ALDH1A2: variants seen among roughly 807,000 people sequenced by gnomAD.
ALDH1A2 encodes retinal dehydrogenase 2.
A neutral mutation model predicts 60.3 loss-of-function variants in ALDH1A2; 27 were observed. The observed-to-expected ratio is 0.45, with a 90% confidence interval of 0.33 to 0.62. ALDH1A2 has a LOEUF of 0.62. Among genes scored for constraint, ALDH1A2 ranks in the 20% least tolerant of loss-of-function variants. ALDH1A2 has a pLI of 0.02. For synonymous variants in ALDH1A2, 289 were observed against 232.4 expected (o/e 1.24, Z -2.21); for missense variants, 581 against 643.8 (o/e 0.90, Z 1.06).
In ALDH1A2 at chr15:57,965,834, G is replaced by C. The variant is rs768929433; in HGVS notation, c.799-7C>G. The C allele has an allele frequency of 1.2e-6, 2 of 1,612,146 alleles. No individual in the cohort carries two copies. Among genetic ancestry groups the C allele is most frequent in the South Asian group, 2.2e-5 (2 of 91,038 alleles). On this transcript the variant is annotated splice_polypyrimidine_tract_variant and splice_region_variant and intron_variant, in intron 7 of 12. Transcript: ENST00000249750. ...CTTGGATAAGCTTTCCAACCTGAAA[G>C]AAGGGAAATGGAGACAGGTTTTGCA...
At chr15:58,024,362 A>C (rs944029579) in intron 1 of ALDH1A2, among the ~76,000 whole-genome samples, 1 of 152,208 alleles carries the variant, frequency 6.6e-6, no homozygotes, top group East Asian at 1.9e-4. Context: ...ATGTAGACTG[A>C]AAGTTAAGAG....
At chr15:57,974,675 A>T (rs1367108568) in intron 7 of ALDH1A2, among the ~76,000 whole-genome samples, 1 of 152,170 alleles carries the variant, frequency 6.6e-6, no homozygotes, top group Non-Finnish European at 1.5e-5. Context: ...AATTTCTAGA[A>T]AAAAAGCATA....
At position 57,954,354 on chromosome 15, in the gene ALDH1A2, G is replaced by A. The variant is rs1382736737; in HGVS notation, c.*843C>T. On this transcript the variant is annotated 3_prime_UTR_variant, in exon 13 of 13. Coordinates refer to ENST00000249750, the MANE Select transcript of ALDH1A2 (RefSeq NM_003888.4). ...TTGGGCCTACTCGGATTGTTTTTTG[G>A]TTGGTTCTAAGAAAAACTTTGGAAA... is the stretch of plus-strand genomic sequence containing the variant. The A allele has an allele frequency of 3.3e-5, 5 of 152,632 alleles. No homozygotes were observed. The highest frequency in any genetic ancestry group is 1.2e-4 in the African/African-American group (5 of 41,400). The allele number at this position is 152,632 out of a possible 1,614,324, so 9.5% of individuals were successfully genotyped here.
At chr15:57,982,996 G>A (rs1378282879) in intron 7 of ALDH1A2, among the ~76,000 whole-genome samples, 1 of 151,960 alleles carries the variant, frequency 6.6e-6, no homozygotes, top group Non-Finnish European at 1.5e-5. Flanking sequence ...AGGTTCTTAG[G>A]GATGTGTTGT....
chr15:57,995,905 T>C (rs1382529993), intron 4 of ALDH1A2, among the ~76,000 whole-genome samples: 1 of 152,168 alleles, frequency 6.6e-6, no homozygotes, highest in African/African-American at 2.4e-5. Flanking sequence ...AAAATGTCAT[T>C]GCTTTTATCT....
At chr15:57,980,000 C>T in intron 7 of ALDH1A2, 1 of 329,894 alleles carries the variant, frequency 3.0e-6, no homozygotes, top group Non-Finnish European at 6.3e-6. Flanking sequence ...ACCTGGCTGG[C>T]ACAGTTATTT....
At chr15:58,025,594 A>G (rs1896058524) in intron 1 of ALDH1A2, among the ~76,000 whole-genome samples, 1 of 152,206 alleles carries the variant, frequency 6.6e-6, no homozygotes. Context: ...AATAACTAAC[A>G]TCAATCCTCC....
At position 57,956,242 on chromosome 15, in the gene ALDH1A2, G is replaced by A. The variant is rs34330154; in HGVS notation, c.1485-973C>T. Among the ~76,000 whole-genome samples the A allele has an allele frequency of 1.6e-3, 238 of 152,316 alleles. 1 individual carries two copies. The highest frequency in any genetic ancestry group is 0.01 in the Admixed American group (159 of 15,306). ...GGGAGGAGGGAAGGAGGAAGGGCGA[G>A]CTTCCTATTCCCTCTTCCCAAGTTC... On this transcript the variant is annotated intron_variant, in intron 12 of 12. Transcript: ENST00000249750.
At chr15:57,963,455 T>C (rs1190510745) in intron 9 of ALDH1A2, among the ~76,000 whole-genome samples, 1 of 150,984 alleles carries the variant, frequency 6.6e-6, no homozygotes, top group Non-Finnish European at 1.5e-5. Flanking sequence ...TTCTCCTACC[T>C]CAGCCTCCCG....
chr15:58,010,831 C>A, intron 3 of ALDH1A2, 53 bp from the exon 4 acceptor site: 3 of 1,604,870 alleles, frequency 1.9e-6, no homozygotes, highest in Non-Finnish European at 1.7e-6. Context: ...TCCAGCGATA[C>A]ACTAATTTCT....
intron 12 of ALDH1A2, among the ~76,000 whole-genome samples, chr15:57,957,046 T>A (rs879352518): frequency 6.6e-6 from 1 of 152,146 alleles, no homozygotes; most frequent in Non-Finnish European, 1.5e-5. Flanking sequence ...GGAAGTGGAC[T>A]CAAATCTGCT....
chr15:58,004,753 G>C (rs1022192136), intron 4 of ALDH1A2, among the ~76,000 whole-genome samples: 1 of 136,912 alleles, frequency 7.3e-6, no homozygotes, highest in Non-Finnish European at 1.6e-5. Flanking sequence ...ATTTTATCCA[G>C]TCATCCATTG....
At chr15:57,965,162 A>G (rs1893853684) in intron 8 of ALDH1A2, among the ~76,000 whole-genome samples, 1 of 152,168 alleles carries the variant, frequency 6.6e-6, no homozygotes, top group Non-Finnish European at 1.5e-5. Flanking sequence ...AAGCCTCTGT[A>G]AGGTCCTACT....
At chr15:57,982,701 T>A (rs1894556617) in intron 7 of ALDH1A2, among the ~76,000 whole-genome samples, 1 of 152,254 alleles carries the variant, frequency 6.6e-6, no homozygotes, top group South Asian at 2.1e-4. Context: ...CATAGTTTTG[T>A]AGATGGACAT....
intron 7 of ALDH1A2, among the ~76,000 whole-genome samples, chr15:57,976,097 C>A (rs1247545073): frequency 2.6e-5 from 4 of 152,116 alleles, no homozygotes; most frequent in Non-Finnish European, 5.9e-5. Context: ...AGACTACTGG[C>A]AGTAGTTGGT....
intron 1 of ALDH1A2, among the ~76,000 whole-genome samples, chr15:58,016,624 T>C (rs534711488): frequency 6.6e-6 from 1 of 152,354 alleles, no homozygotes; most frequent in Non-Finnish European, 1.5e-5. Context: ...AGATGCATTA[T>C]AGGATCTAAG....
intron 1 of ALDH1A2, among the ~76,000 whole-genome samples, chr15:58,063,621 G>A (rs1359134025): frequency 3.9e-5 from 6 of 152,146 alleles, no homozygotes; most frequent in Admixed American, 3.9e-4. Context: ...AAAGAGCTGA[G>A]GAGGAAAACT....
At chr15:57,966,992 G>GTTAT (rs1244461519) in intron 7 of ALDH1A2, among the ~76,000 whole-genome samples, 1 of 152,176 alleles carries the variant, frequency 6.6e-6, no homozygotes, top group Non-Finnish European at 1.5e-5. Flanking sequence ...ATGAAAAAAT[G>GTTAT]TTATTTGTTC....
At chr15:58,007,588 G>C (rs922777749) in intron 4 of ALDH1A2, among the ~76,000 whole-genome samples, 4 of 151,920 alleles carry the variant, frequency 2.6e-5, no homozygotes, top group Admixed American at 1.3e-4. Context: ...TTAAAATCCA[G>C]ACTATCTCAT....
Sources: gnomAD v4.1 joint callset for allele counts (sites outside exome capture counted in the v4.1 genomes callset) on GRCh38, gnomAD v4.1.1 for gene constraint, MANE v1.5 for transcripts, NCBI Gene and HGNC (gene_info 2026-07-23, HGNC 2026-07-21) for gene names.